The following PPP3CA variants were observed in gnomAD, a reference collection of about 807,000 sequenced individuals.
PPP3CA encodes CAM-PRP catalytic subunit.
PPP3CA carries 14 observed loss-of-function variants against 66.5 expected under a neutral mutation model. The observed-to-expected ratio is 0.21, with a 90% CI of 0.14 to 0.33. The LOEUF is 0.33. Ranked by LOEUF, PPP3CA falls within the 10% of genes least tolerant of loss-of-function variation. The probability of loss-of-function intolerance (pLI) is 1.00; values close to 1 mark genes in which losing one functional copy is unlikely to be tolerated. For synonymous variants in PPP3CA, 232 were observed against 226.2 expected (o/e 1.03, Z -0.23); for missense variants, 317 against 639.5 (o/e 0.50, Z 5.44).
intron 2 of PPP3CA, among the ~76,000 whole-genome samples, chr4:101,182,010 C>T (rs1724251664): frequency 6.6e-6 from 1 of 152,112 alleles, no homozygotes; most frequent in Admixed American, 6.6e-5. Flanking sequence ...CTGGGCTATA[C>T]TGTGCTTTTC....
At chr4:101,112,074 T>C (rs982720410) in intron 2 of PPP3CA, among the ~76,000 whole-genome samples, 3 of 152,144 alleles carry the variant, frequency 2.0e-5, no homozygotes, top group Admixed American at 2.0e-4. Context: ...TTTTTACCTC[T>C]GTATATGTAA....
At position 101,143,992 on chromosome 4, in the gene PPP3CA, T is replaced by C. The variant is rs1722887849; in HGVS notation, c.260-34914A>G. ...AAACCAGTCACATAAACCAGGGAAC[T>C]GAAAATCATTCTAGATTTCTCTTTC... On this transcript the variant is annotated intron_variant, in intron 2 of 13. Transcript: ENST00000394854. 2.6e-5 allele frequency among the ~76,000 whole-genome samples: 4 copies of C among 152,318 alleles called. No homozygotes were observed. The South Asian group carries it at 8.3e-4, about 32-fold the overall frequency.
intron 2 of PPP3CA, among the ~76,000 whole-genome samples, chr4:101,184,301 T>C (rs181886259): frequency 1.0e-3 from 159 of 152,304 alleles, no homozygotes; most frequent in African/African-American, 3.7e-3. Flanking sequence ...GATTGAGAGC[T>C]TGAGGCCCAG....
chr4:101,308,049 A>C (rs1728602113), intron 1 of PPP3CA, among the ~76,000 whole-genome samples: 1 of 152,198 alleles, frequency 6.6e-6, no homozygotes, highest in African/African-American at 2.4e-5. Flanking sequence ...TACATTTTTT[A>C]GCCTTTTCAT....
At chr4:101,138,259 A>G (rs1206695709) in intron 2 of PPP3CA, among the ~76,000 whole-genome samples, 1 of 152,210 alleles carries the variant, frequency 6.6e-6, no homozygotes, top group Admixed American at 6.5e-5. Flanking sequence ...TGATATTTAC[A>G]TAACTGATTT....
intron 1 of PPP3CA, among the ~76,000 whole-genome samples, chr4:101,251,033 GA>G (rs1179592749): frequency 6.6e-6 from 1 of 151,856 alleles, no homozygotes; most frequent in Non-Finnish European, 1.5e-5. Context: ...AATTTTATCA[GA>G]AAAACAATAC....
chr4:101,263,168 T>C (rs932247895), intron 1 of PPP3CA, among the ~76,000 whole-genome samples: 6 of 152,184 alleles, frequency 3.9e-5, no homozygotes, highest in African/African-American at 1.4e-4. Context: ...GACAAATACA[T>C]GTCACTAGGC....
intron 2 of PPP3CA, among the ~76,000 whole-genome samples, chr4:101,170,840 T>C (rs1300914956): frequency 1.3e-5 from 2 of 152,186 alleles, no homozygotes; most frequent in Non-Finnish European, 2.9e-5. Context: ...CTCTTATTTA[T>C]TGAGCACTCT....
chr4:101,318,058 T>C (rs913853661), intron 1 of PPP3CA, among the ~76,000 whole-genome samples: 10 of 152,194 alleles, frequency 6.6e-5, no homozygotes, highest in South Asian at 4.1e-4. Context: ...TGTAGTGTAG[T>C]AAACAACGTA....
chr4:101,192,771 A>T (rs1453888593), intron 2 of PPP3CA, among the ~76,000 whole-genome samples: 1 of 152,104 alleles, frequency 6.6e-6, no homozygotes, highest in African/African-American at 2.4e-5. Context: ...GTTTTTAGGT[A>T]CCTCCATTAC....
chr4:101,080,080 T>C (rs1312591441), intron 8 of PPP3CA, among the ~76,000 whole-genome samples: 2 of 152,228 alleles, frequency 1.3e-5, no homozygotes, highest in African/African-American at 2.4e-5. Flanking sequence ...TTGCCTAGCA[T>C]AGGAACTGAT....
At chr4:101,093,745 G>T in intron 6 of PPP3CA, 31 bp downstream of exon 6, 2 of 1,558,582 alleles carry the variant, frequency 1.3e-6, no homozygotes. Flanking sequence ...TGATGCAAAC[G>T]TGTTCCAGAG....
intron 1 of PPP3CA, among the ~76,000 whole-genome samples, chr4:101,248,405 A>T (rs1726559462): frequency 6.6e-6 from 1 of 152,218 alleles, no homozygotes; most frequent in Non-Finnish European, 1.5e-5. Context: ...TTTTTGAATT[A>T]AAAGGAAACC....
intron 1 of PPP3CA, among the ~76,000 whole-genome samples, chr4:101,274,091 G>A (rs1220149527): frequency 6.6e-6 from 1 of 152,116 alleles, no homozygotes; most frequent in Non-Finnish European, 1.5e-5. Flanking sequence ...GATCACCTGA[G>A]GTCAGGAGTT....
intron 1 of PPP3CA, among the ~76,000 whole-genome samples, chr4:101,315,231 C>G (rs72921893): frequency 1.3e-5 from 2 of 152,174 alleles, no homozygotes; most frequent in Non-Finnish European, 2.9e-5. Context: ...GAAATAGGCT[C>G]TCATCAGAAT....
At chr4:101,197,857 A>G (rs1724849455) in intron 1 of PPP3CA, among the ~76,000 whole-genome samples, 1 of 152,166 alleles carries the variant, frequency 6.6e-6, no homozygotes, top group African/African-American at 2.4e-5. Context: ...TGGTGAGTTT[A>G]AACCCCAGCA....
At chr4:101,031,484 T>TAAC (rs1726957074) in intron 12 of PPP3CA, among the ~76,000 whole-genome samples, 1 of 152,198 alleles carries the variant, frequency 6.6e-6, no homozygotes, top group Non-Finnish European at 1.5e-5. Flanking sequence ...ACTGTGCTGC[T>TAAC]AACATGGTAG....
chr4:101,097,072 C>T (rs1730227914), intron 5 of PPP3CA, among the ~76,000 whole-genome samples: 1 of 152,034 alleles, frequency 6.6e-6, no homozygotes, highest in African/African-American at 2.4e-5. Flanking sequence ...TTAAGTGAAC[C>T]TATAACTTAA....
intron 8 of PPP3CA, 99 bp downstream of exon 8, chr4:101,080,433 A>G (rs1235896846): frequency 1.1e-5 from 6 of 539,508 alleles, no homozygotes; most frequent in Non-Finnish European, 1.4e-5. Context: ...TTTAAAAAAA[A>G]AGACTGGTTA....
Sources: allele counts gnomAD v4.1 joint callset (sites outside exome capture counted in the v4.1 genomes callset), GRCh38; gene constraint gnomAD v4.1.1; transcripts MANE v1.5; gene names NCBI Gene and HGNC (gene_info 2026-07-23, HGNC 2026-07-21).